The following DPYS variants were observed in gnomAD, a reference collection of about 807,000 sequenced individuals.
DPYS encodes the protein dihydropyrimidine amidohydrolase.
A neutral mutation model predicts 50.3 loss-of-function variants in DPYS; 39 were observed. The observed-to-expected ratio is 0.78, with a 90% CI of 0.60 to 1.01. DPYS has a LOEUF of 1.01. Ranked by LOEUF, DPYS falls within the 50% of genes least tolerant of loss-of-function variation. DPYS has a pLI of 0.00. For missense variants in DPYS, 659 were observed against 680.9 expected (o/e 0.97, Z 0.36); for synonymous variants, 245 against 250.7 (o/e 0.98, Z 0.22).
chr8:104,455,239 C>T (rs1014575313), intron 1 of DPYS, among the ~76,000 whole-genome samples: 1 of 152,206 alleles, frequency 6.6e-6, no homozygotes, highest in Non-Finnish European at 1.5e-5. Context: ...TCATCAGGCC[C>T]TAGAGCCTGA....
chr8:104,444,351 C>T lies in DPYS; in HGVS notation c.690G>A (p.Thr230=), dbSNP rs374805521. The T allele has an allele frequency of 1.8e-5, 29 of 1,614,112 alleles. No homozygotes were observed. In the East Asian group the frequency reaches 4.2e-4, roughly 24 times the overall value. The change falls in exon 4 of 10, where the codon ACG becomes ACA. Residue 230 remains threonine (T), a synonymous_variant. Transcript: ENST00000351513. ...CGCTGGCTATGGTGATGGCTCTCAG[C>T]GTGGCCTCTGCCTCCACTGCCTCTG... is the stretch of plus-strand genomic sequence containing the variant. ...CRPEAVEAEA[T]LRAITIASAV...
In DPYS at chr8:104,459,611, T is replaced by C. The variant is rs376515378; in HGVS notation, c.264+7046A>G. Reference sequence around the variant, plus strand: ...TACCACTGTAGCATAAATATTATTTTGAGCTCCAGATATTTGAGAATAGGT... The same window carrying C: ...TACCACTGTAGCATAAATATTATTTCGAGCTCCAGATATTTGAGAATAGGT... On this transcript the variant is annotated intron_variant, in intron 1 of 9. Coordinates refer to ENST00000351513, the MANE Select transcript of DPYS (RefSeq NM_001385.3). 2.0e-5 allele frequency among the ~76,000 whole-genome samples: 3 copies of C among 152,242 alleles called. No homozygotes were observed. In the East Asian group the frequency reaches 5.8e-4, roughly 29 times the overall value.
chr8:104,442,102 G>A (rs964431524), intron 4 of DPYS, among the ~76,000 whole-genome samples: 2 of 152,106 alleles, frequency 1.3e-5, no homozygotes, highest in African/African-American at 4.8e-5. Context: ...GCTAGAGAAG[G>A]CAAGTAAAAC....
intron 8 of DPYS, among the ~76,000 whole-genome samples, chr8:104,385,729 T>C (rs990429491): frequency 2.0e-5 from 3 of 152,334 alleles, no homozygotes; most frequent in Admixed American, 6.5e-5. Flanking sequence ...ATTAATGCTG[T>C]TATCTTAGGA....
At chr8:104,424,826 C>A (rs988363841) in intron 6 of DPYS, among the ~76,000 whole-genome samples, 1 of 135,806 alleles carries the variant, frequency 7.4e-6, no homozygotes, top group Non-Finnish European at 1.6e-5. Context: ...GGTGACAACA[C>A]TTTTTTTTTT....
chr8:104,422,911 C>T (rs963140990), intron 7 of DPYS, among the ~76,000 whole-genome samples: 2 of 152,200 alleles, frequency 1.3e-5, no homozygotes, highest in African/African-American at 4.8e-5. Context: ...ATGCTCAATT[C>T]AGCCACAGAA....
chr8:104,440,151 A>G (rs776973303), intron 4 of DPYS, among the ~76,000 whole-genome samples: 1 of 152,234 alleles, frequency 6.6e-6, no homozygotes, highest in African/African-American at 2.4e-5. Context: ...TGCCAGGCAC[A>G]TATTAAGCAC....
At chr8:104,401,093 C>T (rs923405691) in intron 7 of DPYS, among the ~76,000 whole-genome samples, 11 of 152,110 alleles carry the variant, frequency 7.2e-5, no homozygotes, top group Non-Finnish European at 1.3e-4. Flanking sequence ...TATTCTCTCC[C>T]ACTCAGGCAC....
chr8:104,381,391 T>C, intron 8 of DPYS, 77 bp from the exon 9 acceptor site: 5 of 1,267,046 alleles, frequency 3.9e-6, no homozygotes, highest in Non-Finnish European at 5.8e-6. Flanking sequence ...CCTTTATGAA[T>C]TGCGAGAGCT....
intron 7 of DPYS, among the ~76,000 whole-genome samples, chr8:104,394,919 A>T (rs1463309150): frequency 6.6e-6 from 1 of 151,144 alleles, no homozygotes; most frequent in Non-Finnish European, 1.5e-5. Context: ...AGGAAAAATA[A>T]ATTGAGATTT....
intron 1 of DPYS, among the ~76,000 whole-genome samples, chr8:104,454,124 G>T (rs970002625): frequency 6.6e-6 from 1 of 152,130 alleles, no homozygotes; most frequent in Admixed American, 6.5e-5. Context: ...GGTGGCTGAC[G>T]CCTGTAATCC....
At chr8:104,426,641 G>T (rs2853164) in intron 6 of DPYS, among the ~76,000 whole-genome samples, 141,167 of 152,212 alleles carry the variant, frequency 0.93, 65,908 homozygotes, top group Middle Eastern at 0.98. Flanking sequence ...TCATTTGAGG[G>T]AGGCATCCTA....
At chr8:104,455,166 C>T (rs925717279) in intron 1 of DPYS, among the ~76,000 whole-genome samples, 5 of 152,136 alleles carry the variant, frequency 3.3e-5, no homozygotes, top group African/African-American at 1.2e-4. Context: ...TAATACAGAA[C>T]CGTCAATAAC....
intron 8 of DPYS, 128 bp from the exon 9 acceptor site, chr8:104,381,442 T>G: frequency 3.6e-6 from 3 of 841,190 alleles, no homozygotes; most frequent in Admixed American, 2.0e-5. Context: ...TGCCTCCCCA[T>G]CCCCTTGGCC....
chr8:104,407,886 G>C (rs755930234), intron 7 of DPYS, among the ~76,000 whole-genome samples: 3 of 151,904 alleles, frequency 2.0e-5, no homozygotes, highest in Admixed American at 6.6e-5. Flanking sequence ...AGAATCTTAA[G>C]ACCACAATTC....
At chr8:104,381,411 G>T (rs1028504100) in intron 8 of DPYS, 97 bp from the exon 9 acceptor site, 14 of 1,150,600 alleles carry the variant, frequency 1.2e-5, no homozygotes, top group Admixed American at 3.4e-5. Context: ...TTTAAAAAAA[G>T]AATCTTATAA....
At position 104,392,933 on chromosome 8, in the gene DPYS, C is replaced by T. The variant is rs772692442; in HGVS notation, c.1294G>A (p.Val432Ile). The T allele has an allele frequency of 2.5e-6, 4 of 1,614,206 alleles. No individual in the cohort carries two copies. The highest frequency in any genetic ancestry group is 3.4e-6 in the Non-Finnish European group (4 of 1,180,040). ...AVNFNIFEGM[V>I]CHGVPLVTIS... ...GTCACAAGGGGCACCCCGTGGCAAA[C>T]CATGCCCTCGAAAATGTTGAAGTTA... The change falls in exon 8 of 10, where the codon GTT (valine) becomes ATT (isoleucine). Residue 432 changes from valine to isoleucine, a missense_variant. Transcript: ENST00000351513.
At chr8:104,440,058 G>T (rs1450208478) in intron 4 of DPYS, among the ~76,000 whole-genome samples, 1 of 152,028 alleles carries the variant, frequency 6.6e-6, no homozygotes, top group Non-Finnish European at 1.5e-5. Flanking sequence ...TTTTTTAAAA[G>T]ACAATGTGTA....
chr8:104,458,425 G>A (rs976958395), intron 1 of DPYS, among the ~76,000 whole-genome samples: 15 of 152,110 alleles, frequency 9.9e-5, no homozygotes, highest in African/African-American at 3.6e-4. Context: ...CATCATTCAT[G>A]TTCTTCCCTC....
Sources: allele counts gnomAD v4.1 joint callset (sites outside exome capture counted in the v4.1 genomes callset), GRCh38; gene constraint gnomAD v4.1.1; transcripts MANE v1.5; gene names NCBI Gene and HGNC (gene_info 2026-07-23, HGNC 2026-07-21).